FAM200B: variants seen among roughly 807,000 people sequenced by gnomAD.
The protein encoded by FAM200B is zinc finger BED-type containing 11, also known as protein FAM200B.
In FAM200B, 32 loss-of-function variants were observed where a neutral mutation model predicts 33.1. The observed-to-expected ratio is 0.97, with a 90% CI of 0.73 to 1.30. The LOEUF (loss-of-function observed/expected upper bound fraction) is 1.30, where lower values mean the gene tolerates loss of function less well. FAM200B is among the 50% of genes most tolerant of loss of function. The pLI, the probability that FAM200B is intolerant of heterozygous loss-of-function variation, is 0.00. For synonymous variants in FAM200B, 240 were observed against 264.8 expected, an observed-to-expected ratio of 0.91 and a Z score of 0.91; for missense variants, 741 against 754.0, an observed-to-expected ratio of 0.98 and a Z score of 0.20.
chr4:15,644,449 A>G, the FAM200B span: 1 of 1,514,700 alleles, frequency 6.6e-7, no homozygotes. Context: ...ATACCAGAAG[A>G]TGGCACAAGT....
Position 15,688,826 on chromosome 4 carries a change from A to AT in FAM200B, c.1850dup (p.Thr619AsnfsTer30). On this transcript the variant is annotated frameshift_variant, in exon 2 of 2. Coordinates refer to ENST00000422728, the MANE Select transcript of FAM200B (RefSeq NM_001145191.2). LOFTEE classifies it high-confidence loss of function. ...TAGTTTGTGTGAACTAGGGTTTTCC[A>AT]TCTTAACGCAGTTAAAAACAAAGGA... is the stretch of plus-strand genomic sequence containing the variant. 6.4e-7 allele frequency: 1 copy of AT among 1,551,544 alleles called. No homozygotes were observed. Among genetic ancestry groups the AT allele is most frequent in the Non-Finnish European group, 8.7e-7 (1 of 1,146,866 alleles).
At chr4:15,672,854 ATGT>A in the FAM200B span, among the ~76,000 whole-genome samples, 237 of 152,302 alleles carry the variant, frequency 1.6e-3, no homozygotes, top group African/African-American at 4.6e-3. Context: ...CTTAAAATAC[ATGT>A]TGTACAGCTG....
intron 1 of FAM200B, among the ~76,000 whole-genome samples, chr4:15,683,542 G>C (rs1718551739): frequency 6.6e-6 from 1 of 152,144 alleles, no homozygotes; most frequent in Non-Finnish European, 1.5e-5. Context: ...GCTTCTAAGA[G>C]ATAAATGATC....
At chr4:15,668,897 C>T in the FAM200B span, among the ~76,000 whole-genome samples, 2 of 152,130 alleles carry the variant, frequency 1.3e-5, no homozygotes, top group Non-Finnish European at 2.9e-5. Flanking sequence ...TAAAAACTAT[C>T]CAGAGTGACA....
chr4:15,656,235 A>G, the FAM200B span: 1 of 456,216 alleles, frequency 2.2e-6, no homozygotes, highest in Non-Finnish European at 4.4e-6. Flanking sequence ...TAACCCAGGA[A>G]AATGTCTGCC....
the FAM200B span, chr4:15,640,976 CG>C: frequency 1.7e-6 from 1 of 583,762 alleles, no homozygotes; most frequent in African/African-American, 2.1e-5. Context: ...ATAAAACCTC[CG>C]GGGAAAAAAA....
the FAM200B span, among the ~76,000 whole-genome samples, chr4:15,653,448 A>G: frequency 6.6e-6 from 1 of 152,214 alleles, no homozygotes; most frequent in East Asian, 1.9e-4. Context: ...AGTAAATTAA[A>G]TTGTGATTCT....
rs1718888053 is a variant in FAM200B at position 15,686,799 on chromosome 4, G to A, written c.-179G>A. On this transcript the variant is annotated 5_prime_UTR_variant, in exon 2 of 2. Coordinates refer to ENST00000422728, the MANE Select transcript of FAM200B (RefSeq NM_001145191.2). ...ATAATAGCACGGTTAATGTTCTATA[G>A]TCAAGTTTTATATTACAATTACTTG... The A allele has an allele frequency of 2.4e-6, 1 of 408,590 alleles. No individual in the cohort carries two copies. Among genetic ancestry groups the A allele is most frequent in the South Asian group, 6.2e-5 (1 of 16,036 alleles). 25.3% of individuals were successfully genotyped at this position (408,590 alleles called of 1,614,324 possible).
upstream of FAM200B, among the ~76,000 whole-genome samples, chr4:15,677,324 G>C (rs1177031902): frequency 1.3e-5 from 2 of 152,060 alleles, no homozygotes; most frequent in African/African-American, 4.8e-5. Flanking sequence ...TAAAACCCTT[G>C]GAATTTCCTA....
the FAM200B span, among the ~76,000 whole-genome samples, chr4:15,652,072 C>T: frequency 6.6e-6 from 1 of 152,126 alleles, no homozygotes; most frequent in Admixed American, 6.6e-5. Context: ...GTAGTACAAG[C>T]TACTACAGAG....
the FAM200B span, among the ~76,000 whole-genome samples, chr4:15,666,762 A>G: frequency 2.6e-5 from 4 of 152,054 alleles, no homozygotes; most frequent in African/African-American, 9.7e-5. Flanking sequence ...TCAAGGTGAC[A>G]GTGAGCTGTG....
Position 15,689,056 on chromosome 4 carries a change from T to C in FAM200B, c.*105T>C. 1 of 876,582 alleles carries C rather than the reference T, an allele frequency of 1.1e-6. No individual in the cohort carries two copies. The highest frequency in any genetic ancestry group is 1.6e-6 in the Non-Finnish European group (1 of 642,880). 54.3% of individuals were successfully genotyped at this position (876,582 alleles called of 1,614,324 possible). A position where few individuals can be genotyped will look rare whatever the true frequency, so the allele number is the denominator to read the frequency against. ...ATAATACTGTGATACTTTTGTTATG[T>C]TTTAATTTTTGTTATATTTAATAAA... On this transcript the variant is annotated 3_prime_UTR_variant, in exon 2 of 2. Coordinates refer to ENST00000422728, the MANE Select transcript of FAM200B (RefSeq NM_001145191.2).
At chr4:15,642,589 T>C in the FAM200B span, among the ~76,000 whole-genome samples, 2 of 152,224 alleles carry the variant, frequency 1.3e-5, no homozygotes, top group Non-Finnish European at 1.5e-5. Flanking sequence ...TCTTCTCTGG[T>C]CTCTTTTTCC....
At chr4:15,667,506 T>TA in the FAM200B span, among the ~76,000 whole-genome samples, 25 of 152,198 alleles carry the variant, frequency 1.6e-4, no homozygotes, top group Admixed American at 7.2e-4. Flanking sequence ...TGAATACTAT[T>TA]AAAAATAGTA....
chr4:15,687,605 C>A lies in FAM200B; in HGVS notation c.628C>A (p.His210Asn). 1 of 1,550,888 alleles carries A rather than the reference C, an allele frequency of 6.4e-7. No individual in the cohort carries two copies. The highest frequency in any genetic ancestry group is 2.0e-5 in the Admixed American group (1 of 50,968). Residue 210 changes from histidine to asparagine, a missense_variant, in exon 2 of 2, where the codon CAT becomes AAT. Physicochemically the swap from His to Asn is moderately conservative, Grantham distance 68. Transcript: ENST00000422728. ...TCTTCGAATTTGTACTATTGCAGAACATTTAGAAACAATGCTTATTACTCG... is the reference window on the plus strand; with the variant it reads ...TCTTCGAATTTGTACTATTGCAGAAAATTTAGAAACAATGCTTATTACTCG... Reference protein sequence around the residue: ...VSLRICTIAEHLETMLITRLQ... With the variant: ...VSLRICTIAENLETMLITRLQ...
In FAM200B at chr4:15,687,539, G is replaced by A. The variant is rs895858092; in HGVS notation, c.562G>A (p.Ala188Thr). The A allele has an allele frequency of 2.1e-5, 32 of 1,550,252 alleles. No individual in the cohort carries two copies. The highest frequency in any genetic ancestry group is 2.7e-5 in the Non-Finnish European group (31 of 1,146,364). The change falls in exon 2 of 2, where the codon GCT becomes ACT. Residue 188 changes from alanine (A) to threonine (T), a missense_variant. Transcript: ENST00000422728. The part of the protein sequence containing the change: ...MVRTIFDDKS[A>T]DKLKTIPNDN... ...GCGTACAATATTTGATGATAAATCA[G>A]CTGATAAATTAAAAACTATACCTAA...
At chr4:15,655,099 G>T in the FAM200B span, 4 of 907,268 alleles carry the variant, frequency 4.4e-6, no homozygotes, top group Non-Finnish European at 5.6e-6. Flanking sequence ...GCGCGGCGAC[G>T]GCACGGGGCT....
the FAM200B span, among the ~76,000 whole-genome samples, chr4:15,639,750 C>T: frequency 1.3e-5 from 2 of 152,066 alleles, no homozygotes; most frequent in Non-Finnish European, 2.9e-5. Context: ...CAATGCATGT[C>T]CTCTGATTTA....
the FAM200B span, among the ~76,000 whole-genome samples, chr4:15,676,654 G>GAGA: frequency 6.6e-6 from 1 of 152,078 alleles, no homozygotes; most frequent in Non-Finnish European, 1.5e-5. Context: ...TTCTGGCTGA[G>GAGA]AGAAGGGTAG....
Sources: gnomAD v4.1 joint callset for allele counts (sites outside exome capture counted in the v4.1 genomes callset) on GRCh38, gnomAD v4.1.1 for gene constraint, MANE v1.5 for transcripts, NCBI Gene and HGNC (gene_info 2026-07-23, HGNC 2026-07-21) for gene names.